Variants in IL22RA2 observed in about 807,000 individuals in gnomAD.
IL22RA2 encodes interleukin 22 receptor subunit alpha 2, also known as interleukin-22 receptor subunit alpha-2.
A neutral mutation model predicts 30.7 loss-of-function variants in IL22RA2; 39 were observed. The ratio of observed to expected loss-of-function variants is 1.27; its 90% confidence interval spans 0.98 to 1.66. The LOEUF (loss-of-function observed/expected upper bound fraction) is 1.66. Among genes scored for constraint, IL22RA2 ranks in the 40% most tolerant of loss-of-function variants. The pLI, the probability that IL22RA2 is intolerant of heterozygous loss-of-function variation, is 0.00. For missense variants in IL22RA2, 315 were observed against 312.7 expected (o/e 1.01, Z -0.05); for synonymous variants, 103 against 105.0 (o/e 0.98, Z 0.11).
chr6:137,156,900 C>A, intron 3 of IL22RA2, 46 bp from the exon 4 acceptor site: 1 of 1,583,718 alleles, frequency 6.3e-7, no homozygotes, highest in Non-Finnish European at 8.7e-7. Flanking sequence ...AGAGGCCAAA[C>A]TCAAGGGGCA....
chr6:137,148,727 T>G (rs1379359449), intron 5 of IL22RA2, among the ~76,000 whole-genome samples: 1 of 152,238 alleles, frequency 6.6e-6, no homozygotes, highest in African/African-American at 2.4e-5. Context: ...CTATTTAATT[T>G]GGAACCATAA....
chr6:137,144,374 A>G lies in IL22RA2; in HGVS notation c.*1250T>C, dbSNP rs1026258006. 1 of 152,252 alleles carries G rather than the reference A, an allele frequency of 6.6e-6. No homozygotes were observed. Among genetic ancestry groups the G allele is most frequent in the Non-Finnish European group, 1.5e-5 (1 of 68,054 alleles). The allele number at this position is 152,252 out of a possible 1,614,324, so 9.4% of individuals were successfully genotyped here. On this transcript the variant is annotated 3_prime_UTR_variant, in exon 7 of 7. Coordinates refer to ENST00000296980, the MANE Select transcript of IL22RA2 (RefSeq NM_052962.3). ...TGAGTACTTGCATATAACTAGAAGC[A>G]CCGACTATATTGTTATCAACTTTGG...
Position 137,151,051 on chromosome 6 carries a change from C to G in IL22RA2, c.473-3160G>C, listed in dbSNP as rs9494671. ...ATGAATGCAAAGCAAAAGGCTCATA[C>G]TGAAAAGTGGTCTTAAAAAATCTGG... is the stretch of plus-strand genomic sequence containing the variant. On this transcript the variant is annotated intron_variant, in intron 5 of 6. Coordinates refer to ENST00000296980, the MANE Select transcript of IL22RA2 (RefSeq NM_052962.3). Among the ~76,000 whole-genome samples the G allele has an allele frequency of 5.9e-3, 894 of 152,122 alleles. 7 individuals are homozygous for G. The highest frequency in any genetic ancestry group is 0.021 in the African/African-American group (868 of 41,476).
At position 137,147,521 on chromosome 6, in the gene IL22RA2, G is replaced by A. The variant is rs542260015; in HGVS notation, c.642+201C>T. 7.6e-4 allele frequency among the ~76,000 whole-genome samples: 115 copies of A among 152,186 alleles called. 3 individuals carry two copies. The South Asian group carries it at 0.022, about 29-fold the overall frequency. ...GGGAAGACTGTAGAGACAAACCGGA[G>A]GATGGAAAGGGCACACACACATTCT... On this transcript the variant is annotated intron_variant, in intron 6 of 6. Transcript: ENST00000296980.
Position 137,151,077 on chromosome 6 carries a change from G to A in IL22RA2, c.473-3186C>T, listed in dbSNP as rs28385779. ...TGAAAAGTGGTCTTAAAAAATCTGG[G>A]TGGTTAGAGAATTGCAAGGAACCCA... On this transcript the variant is annotated intron_variant, in intron 5 of 6. Transcript: ENST00000296980. 8.3e-3 allele frequency among the ~76,000 whole-genome samples: 1,258 copies of A among 152,266 alleles called. 29 individuals carry two copies. Among genetic ancestry groups the A allele is most frequent in the African/African-American group, 0.029 (1,191 of 41,528 alleles).
intron 1 of IL22RA2, among the ~76,000 whole-genome samples, chr6:137,162,738 A>G (rs920362484): frequency 6.6e-6 from 1 of 152,190 alleles, no homozygotes; most frequent in Non-Finnish European, 1.5e-5. Flanking sequence ...AGTCCAAGGA[A>G]GCTGAGAGGT....
rs1289977998 is a variant in IL22RA2 at position 137,155,135 on chromosome 6, G to C, written c.294-16C>G. 2.0e-6 allele frequency: 3 copies of C among 1,506,376 alleles called. No individual in the cohort carries two copies. The African/African-American group carries it at 4.3e-5, about 21-fold the overall frequency. The allele number at this position is 1,506,376 out of a possible 1,614,324, so 93.3% of individuals were successfully genotyped here. On this transcript the variant is annotated splice_polypyrimidine_tract_variant and intron_variant, in intron 4 of 6. Transcript: ENST00000296980. ...CTGTCCATATCTGTAGCAGGGAAAA[G>C]GCAAAGATCTGAGTTTCTTTTCTCC...
At chr6:137,145,901 A>G in intron 6 of IL22RA2, 128 bp from the exon 7 acceptor site, 4 of 953,052 alleles carry the variant, frequency 4.2e-6, no homozygotes, top group Non-Finnish European at 6.4e-6. Flanking sequence ...CTTCCCAGAC[A>G]CATCCTTCTT....
At chr6:137,169,688 A>C (rs2114400005) in intron 1 of IL22RA2, among the ~76,000 whole-genome samples, 1 of 152,308 alleles carries the variant, frequency 6.6e-6, no homozygotes, top group East Asian at 1.9e-4. Context: ...ACCACATCAT[A>C]AGGTTGCAAG....
intron 1 of IL22RA2, among the ~76,000 whole-genome samples, chr6:137,166,022 T>C (rs1778619375): frequency 6.6e-6 from 1 of 152,180 alleles, no homozygotes; most frequent in Non-Finnish European, 1.5e-5. Context: ...AAAGCCCCCA[T>C]TGTGTGGCCC....
At chr6:137,164,395 C>A (rs180684150) in intron 1 of IL22RA2, among the ~76,000 whole-genome samples, 1 of 152,274 alleles carries the variant, frequency 6.6e-6, no homozygotes, top group Admixed American at 6.5e-5. Flanking sequence ...TGGCTGCAGG[C>A]CTACTTTGAG....
intron 1 of IL22RA2, among the ~76,000 whole-genome samples, chr6:137,166,761 G>T (rs1778634370): frequency 6.6e-6 from 1 of 152,220 alleles, no homozygotes; most frequent in East Asian, 1.9e-4. Flanking sequence ...GTTTCATCAA[G>T]GAACACATAT....
intron 1 of IL22RA2, among the ~76,000 whole-genome samples, chr6:137,172,953 C>A (rs1778773255): frequency 6.6e-6 from 1 of 152,046 alleles, no homozygotes; most frequent in Non-Finnish European, 1.5e-5. Context: ...AATACAAAGG[C>A]CTGGGAAAGG....
At chr6:137,164,426 G>C (rs918449549) in intron 1 of IL22RA2, among the ~76,000 whole-genome samples, 1 of 152,098 alleles carries the variant, frequency 6.6e-6, no homozygotes, top group Non-Finnish European at 1.5e-5. Flanking sequence ...AGACTCTAAC[G>C]GCCAAGACAA....
At chr6:137,145,806 A>AATGGCTGCCATTAAGTC (rs756796823) in intron 6 of IL22RA2, 33 bp from the exon 7 acceptor site, 105 of 1,612,868 alleles carry the variant, frequency 6.5e-5, no homozygotes, top group Non-Finnish European at 8.1e-5. Context: ...TCAGTTGGTA[A>AATGGCTGCCATTAAGTC]ATGGCTGCCA....
At chr6:137,167,772 C>T (rs2114396143) in intron 1 of IL22RA2, among the ~76,000 whole-genome samples, 1 of 152,286 alleles carries the variant, frequency 6.6e-6, no homozygotes, top group African/African-American at 2.4e-5. Context: ...GTGGTGAAAC[C>T]AAGCCACTGC....
At chr6:137,168,860 A>G (rs562028113) in intron 1 of IL22RA2, among the ~76,000 whole-genome samples, 37 of 152,354 alleles carry the variant, frequency 2.4e-4, no homozygotes, top group Middle Eastern at 6.8e-3. Flanking sequence ...TTAGCCCAAT[A>G]CAACAGTTCA....
At chr6:137,150,432 T>C (rs1778266181) in intron 5 of IL22RA2, among the ~76,000 whole-genome samples, 1 of 151,894 alleles carries the variant, frequency 6.6e-6, no homozygotes, top group African/African-American at 2.4e-5. Flanking sequence ...ATAAAATGGC[T>C]TTTTAAAGGA....
At chr6:137,166,662 G>A (rs1243028691) in intron 1 of IL22RA2, among the ~76,000 whole-genome samples, 1 of 152,230 alleles carries the variant, frequency 6.6e-6, no homozygotes, top group Non-Finnish European at 1.5e-5. Context: ...GCAGGAAAGT[G>A]GAAGTTACCA....
Sources: gnomAD v4.1 joint callset for allele counts (sites outside exome capture counted in the v4.1 genomes callset) on GRCh38, gnomAD v4.1.1 for gene constraint, MANE v1.5 for transcripts, NCBI Gene and HGNC (gene_info 2026-07-23, HGNC 2026-07-21) for gene names.